CCDC88C: variants seen among roughly 807,000 people sequenced by gnomAD.
CCDC88C encodes the protein protein Daple.
CCDC88C carries 131 observed loss-of-function variants against 198.8 expected under a neutral mutation model. The observed-to-expected ratio is 0.66, with a 90% CI of 0.57 to 0.76. The LOEUF (loss-of-function observed/expected upper bound fraction) is 0.76, where lower values mean the gene tolerates loss of function less well. Among genes scored for constraint, CCDC88C ranks in the 30% least tolerant of loss-of-function variants. The pLI is 0.00. For synonymous variants in CCDC88C, 1,166 were observed against 1,114.7 expected (o/e 1.05, Z -0.92); for missense variants, 2,553 against 2,631.6 (o/e 0.97, Z 0.65).
Position 91,321,228 on chromosome 14 carries a change from C to A in CCDC88C, c.1419G>T (p.Gln473His). The A allele has an allele frequency of 5.0e-6, 8 of 1,604,372 alleles. No individual in the cohort carries two copies. Among genetic ancestry groups the A allele is most frequent in the Non-Finnish European group, 6.8e-6 (8 of 1,175,364 alleles). ...GCCCCTGGATGGTGCTCTGGAGGCT[C>A]TGATTCTCCTTCTCCAGCTTCAGGA... is the stretch of plus-strand genomic sequence containing the variant. ...SRILKLEKEN[Q>H]SLQSTIQGLR... Residue 473 changes from glutamine (Q) to histidine (H), a missense_variant, in exon 13 of 30, where the codon CAG becomes CAT. This residue lies in a region of CCDC88C where 1,260 missense variants were observed against 1,412.0 expected (regional missense o/e 0.89). Transcript: ENST00000389857.
chr14:91,313,822 T>C lies in CCDC88C; in HGVS notation c.1994A>G (p.Glu665Gly). The change falls in exon 15 of 30, where the codon GAG (glutamate) becomes GGG (glycine). Residue 665 changes from glutamate (E) to glycine (G), a missense_variant. Glu to Gly is a moderately conservative substitution (Grantham distance 98). This residue lies in a region of CCDC88C where 1,260 missense variants were observed against 1,412.0 expected (regional missense o/e 0.89). Transcript: ENST00000389857. This position sits in a 1 kb window ranked among gnomAD's most constrained non-coding sequence, Gnocchi z 5.2. ...CAGCTGCAGGCCCTGGCTCTCATGCTCCAGGGCCTCGACTTTCTCGGTGGC... is the reference window on the plus strand; with the variant it reads ...CAGCTGCAGGCCCTGGCTCTCATGCCCCAGGGCCTCGACTTTCTCGGTGGC... ...ETATEKVEAL[E>G]HESQGLQLEN... 1 of 1,602,682 alleles carries C rather than the reference T, an allele frequency of 6.2e-7. No individual in the cohort carries two copies.
intron 27 of CCDC88C, among the ~76,000 whole-genome samples, chr14:91,280,611 C>A (rs776832561): frequency 5.3e-5 from 8 of 152,122 alleles, no homozygotes; most frequent in African/African-American, 1.9e-4. Context: ...CTAAGAGAAG[C>A]TAGAGGAAAC....
In CCDC88C at chr14:91,273,323, G is replaced by A. The variant is rs1288140881; in HGVS notation, c.5389C>T (p.Arg1797Cys). Residue 1797 changes from arginine (R) to cysteine (C), a missense_variant, in exon 30 of 30, where the codon CGC becomes TGC. Arg to Cys is a radical substitution (Grantham distance 180). Around this residue, in one of 2 missense-constraint regions of CCDC88C, gnomAD observed 1,293 missense variants for 1,219.6 expected, o/e 1.06. Transcript: ENST00000389857. The surrounding 1 kb of genome is among the most constrained non-coding windows in gnomAD (Gnocchi z 5.6). ...AAGGCCCGGCTCAAGGAGGCACTGC[G>A]GCTGGCAGGTGCATGGGAAGCTGGG... ...VPPASHAPAS[R>C]SASLSRAFSL... 1.1e-5 allele frequency: 17 copies of A among 1,553,994 alleles called. No homozygotes were observed. Among genetic ancestry groups the A allele is most frequent in the South Asian group, 3.5e-5 (3 of 85,320 alleles).
intron 3 of CCDC88C, among the ~76,000 whole-genome samples, chr14:91,398,306 C>G (rs553524673): frequency 2.0e-4 from 30 of 152,344 alleles, no homozygotes; most frequent in African/African-American, 7.2e-4. Context: ...CAGCACACCA[C>G]CAGGTCCTCA....
chr14:91,289,285 C>T lies in CCDC88C; in HGVS notation c.4261G>A (p.Gly1421Ser), dbSNP rs1469754657. The change falls in exon 25 of 30, where the codon GGT becomes AGT. Residue 1421 changes from glycine to serine, a missense_variant. Physicochemically the swap from Gly to Ser is moderately conservative, Grantham distance 56. Coordinates refer to ENST00000389857, the MANE Select transcript of CCDC88C (RefSeq NM_001080414.4). The part of the protein sequence containing the change: ...LVKLIKPKKE[G>S]SRERLKSTVD... ...GTGGATTTTAAGCGTTCCCTCGAAC[C>T]CTCTTTCTTTGGTTTGATGAGTTTG... The T allele has an allele frequency of 2.5e-6, 4 of 1,614,028 alleles. No individual in the cohort carries two copies. Among genetic ancestry groups the T allele is most frequent in the Non-Finnish European group, 3.4e-6 (4 of 1,179,886 alleles).
chr14:91,372,772 C>T (rs746240948), intron 3 of CCDC88C, among the ~76,000 whole-genome samples: 17 of 152,088 alleles, frequency 1.1e-4, no homozygotes, highest in African/African-American at 2.9e-4. Flanking sequence ...TCCACCACCA[C>T]GTTGCTGCTG....
chr14:91,397,273 T>C (rs1885903133), intron 3 of CCDC88C, among the ~76,000 whole-genome samples: 1 of 152,100 alleles, frequency 6.6e-6, no homozygotes, highest in Non-Finnish European at 1.5e-5. Context: ...GGGGCCTGGG[T>C]GGCATCCCCA....
intron 3 of CCDC88C, among the ~76,000 whole-genome samples, chr14:91,380,067 GCAGGGTCCTGAGACAGT>G (rs1341782469): frequency 6.6e-6 from 1 of 152,114 alleles, no homozygotes; most frequent in East Asian, 1.9e-4. Flanking sequence ...AGCTTCCGGA[GCAGGGTCCTGAGACAGT>G]CAGGGTCCCT....
At chr14:91,324,704 G>A (rs980419940) in intron 12 of CCDC88C, 75 bp downstream of exon 12, 62 of 1,551,858 alleles carry the variant, frequency 4.0e-5, no homozygotes, top group Middle Eastern at 3.9e-4. Context: ...GGCAGATTCA[G>A]AGCCCAGGAC....
chr14:91,402,517 A>G (rs1955717469), intron 3 of CCDC88C, among the ~76,000 whole-genome samples: 1 of 152,194 alleles, frequency 6.6e-6, no homozygotes, highest in Admixed American at 6.5e-5. Flanking sequence ...GTGTGTGTAC[A>G]CAAGTGTGTA....
chr14:91,283,464 G>C lies in CCDC88C; in HGVS notation c.4495C>G (p.Arg1499Gly), dbSNP rs374862964. Reference protein sequence around the residue: ...RGSPHRGSLDRTDASTDLAMR... With the variant: ...RGSPHRGSLDGTDASTDLAMR... ...GCCAGATCGGTGGAGGCATCTGTGC[G>C]GTCAAGGCTGCCTCTGTGTGGGGAG... Residue 1499 changes from arginine (R) to glycine (G), a missense_variant, in exon 26 of 30, where the codon CGC (arginine) becomes GGC (glycine). Arg to Gly is a moderately radical substitution (Grantham distance 125). This residue lies in a region of CCDC88C where 1,293 missense variants were observed against 1,219.6 expected (regional missense o/e 1.06). Coordinates refer to ENST00000389857, the MANE Select transcript of CCDC88C (RefSeq NM_001080414.4). 2 of 1,613,032 alleles carry C rather than the reference G, an allele frequency of 1.2e-6. No homozygotes were observed. The highest frequency in any genetic ancestry group is 1.7e-6 in the Non-Finnish European group (2 of 1,179,538).
At position 91,339,799 on chromosome 14, in the gene CCDC88C, C is replaced by T. The variant is rs540503536; in HGVS notation, c.624+85G>A. 475 of 1,419,752 alleles carry T rather than the reference C, an allele frequency of 3.3e-4. No homozygotes were observed. Among genetic ancestry groups the T allele is most frequent in the Middle Eastern group, 3.3e-3 (13 of 3,898 alleles). The allele number at this position is 1,419,752 out of a possible 1,614,324, so 87.9% of individuals were successfully genotyped here. A position where few individuals can be genotyped will look rare whatever the true frequency, so the allele number is the denominator to read the frequency against. On this transcript the variant is annotated intron_variant, in intron 7 of 29. Coordinates refer to ENST00000389857, the MANE Select transcript of CCDC88C (RefSeq NM_001080414.4). The surrounding 1 kb of genome is among the most constrained non-coding windows in gnomAD (Gnocchi z 5.8). ...CAGAACCTCAGCAGCAGGACCGAGG[C>T]GTCTAGGCTGAAGATGAAGGGAGAG...
At chr14:91,355,707 AG>A (rs1200005657) in intron 4 of CCDC88C, among the ~76,000 whole-genome samples, 1 of 151,982 alleles carries the variant, frequency 6.6e-6, no homozygotes, top group Non-Finnish European at 1.5e-5. Flanking sequence ...CACCCAGGAT[AG>A]GAAGAGAGTG....
In CCDC88C at chr14:91,338,485, T is replaced by A. The variant is rs768747714; in HGVS notation, c.891+4A>T. 4.5e-6 allele frequency: 7 copies of A among 1,561,766 alleles called. No individual in the cohort carries two copies. Among genetic ancestry groups the A allele is most frequent in the Non-Finnish European group, 6.1e-6 (7 of 1,153,094 alleles). ...GGACACACAGGCTCAGGCCCCCGAC[T>A]CACCTCCTGCTTAACTTTCTGCAGT... On this transcript the variant is annotated splice_donor_region_variant and intron_variant, in intron 9 of 29. Coordinates refer to ENST00000389857, the MANE Select transcript of CCDC88C (RefSeq NM_001080414.4). This position sits in a 1 kb window ranked among gnomAD's most constrained non-coding sequence, Gnocchi z 4.8.
At chr14:91,367,507 C>T (rs913818350) in intron 3 of CCDC88C, among the ~76,000 whole-genome samples, 3 of 152,186 alleles carry the variant, frequency 2.0e-5, no homozygotes, top group Non-Finnish European at 4.4e-5. Flanking sequence ...GCATTTTCTA[C>T]ACCTTTAGGT....
At chr14:91,387,120 T>A (rs1045249422) in intron 3 of CCDC88C, among the ~76,000 whole-genome samples, 1 of 152,258 alleles carries the variant, frequency 6.6e-6, no homozygotes, top group Admixed American at 6.5e-5. Flanking sequence ...TTGGCGCAAC[T>A]GTCCACATCC....
intron 29 of CCDC88C, among the ~76,000 whole-genome samples, chr14:91,274,658 A>C (rs1889880886): frequency 6.6e-6 from 1 of 152,202 alleles, no homozygotes; most frequent in African/African-American, 2.4e-5. Context: ...GTTTGACGCT[A>C]CACATCTTGG....
chr14:91,355,939 A>T, intron 4 of CCDC88C, among the ~76,000 whole-genome samples: 1 of 152,070 alleles, frequency 6.6e-6, no homozygotes, highest in East Asian at 1.9e-4. Context: ...CAGAAAAGTT[A>T]CCCCAAACTA....
chr14:91,332,257 G>T (rs1892867368), intron 10 of CCDC88C, among the ~76,000 whole-genome samples: 1 of 152,118 alleles, frequency 6.6e-6, no homozygotes, highest in African/African-American at 2.4e-5. Context: ...CTCCCACACA[G>T]CCCTGAGGGC....
Sources: gnomAD v4.1 joint callset for allele counts (sites outside exome capture counted in the v4.1 genomes callset) on GRCh38, gnomAD v4.1.1 for gene constraint, gnomAD v4.1.1 regional missense constraint, Gnocchi (gnomAD v3.1) non-coding constraint, MANE v1.5 for transcripts, NCBI Gene and HGNC (gene_info 2026-07-23, HGNC 2026-07-21) for gene names.